Variants in CAMTA2 observed in about 807,000 individuals in gnomAD.
CAMTA2 encodes calmodulin binding transcription activator 2.
In CAMTA2, 56 loss-of-function variants were observed where a neutral mutation model predicts 135.7. The observed-to-expected ratio is 0.41, with a 90% CI of 0.33 to 0.52. The LOEUF is 0.52. CAMTA2 is among the 20% of genes least tolerant of loss of function. The pLI, the probability that CAMTA2 is intolerant of heterozygous loss-of-function variation, is 0.16. For missense variants in CAMTA2, 1,358 were observed against 1,553.4 expected, an observed-to-expected ratio of 0.87 and a Z score of 2.11; for synonymous variants, 591 against 604.6, an observed-to-expected ratio of 0.98 and a Z score of 0.33.
chr17:4,986,310 A>C (rs757556959), intron 1 of CAMTA2, 24 bp from the exon 2 acceptor site: 3 of 929,594 alleles, frequency 3.2e-6, no homozygotes, highest in Non-Finnish European at 5.1e-6. Flanking sequence ...GAACAAGGTC[A>C]TGGCAGAAGC....
intron 3 of CAMTA2, 183 bp from the exon 4 acceptor site, chr17:4,983,226 A>G: frequency 5.1e-6 from 3 of 588,222 alleles, no homozygotes; most frequent in Non-Finnish European, 9.3e-6. Context: ...GTCCTAAGAC[A>G]AAAGTCTAAC....
At chr17:4,977,516 G>A (rs1484236670) in intron 10 of CAMTA2, among the ~76,000 whole-genome samples, 2 of 152,244 alleles carry the variant, frequency 1.3e-5, no homozygotes, top group African/African-American at 4.8e-5. Context: ...CTTGATCCCC[G>A]GATCAGAGTC....
At chr17:4,981,179 G>A (rs569886136) in intron 8 of CAMTA2, 46 bp downstream of exon 8, 1 of 1,603,512 alleles carries the variant, frequency 6.2e-7, no homozygotes, top group Admixed American at 1.7e-5. Flanking sequence ...CGTAAGAGCA[G>A]TGTGGCTAGG....
In CAMTA2 at chr17:4,979,677, G is replaced by A; in HGVS notation, c.1638+7C>T. Reference sequence around the variant, plus strand: ...GGGAGGAGGGAGGAGGTAAGCCTGAGTCTCACCTCTGGGTAGGACCACTCT... The same window carrying A: ...GGGAGGAGGGAGGAGGTAAGCCTGAATCTCACCTCTGGGTAGGACCACTCT... On this transcript the variant is annotated splice_region_variant and intron_variant, in intron 9 of 22. Transcript: ENST00000348066. 9.4e-6 allele frequency: 15 copies of A among 1,597,974 alleles called. No homozygotes were observed. Among genetic ancestry groups the A allele is most frequent in the Non-Finnish European group, 1.3e-5 (15 of 1,167,138 alleles).
chr17:4,975,498 A>G (rs1197476842), intron 11 of CAMTA2, among the ~76,000 whole-genome samples: 2 of 152,238 alleles, frequency 1.3e-5, no homozygotes, highest in Non-Finnish European at 2.9e-5. Flanking sequence ...GGTAAAACGT[A>G]GATTAGACAG....
chr17:4,976,195 A>G (rs936033185), intron 11 of CAMTA2, among the ~76,000 whole-genome samples: 1 of 151,886 alleles, frequency 6.6e-6, no homozygotes, highest in Non-Finnish European at 1.5e-5. Context: ...TAGTGGAGAC[A>G]GGGTTTCACC....
chr17:4,975,346 GA>G (rs1431874414), intron 11 of CAMTA2, among the ~76,000 whole-genome samples: 1 of 152,036 alleles, frequency 6.6e-6, no homozygotes, highest in African/African-American at 2.4e-5. Flanking sequence ...TAAAGTGAAG[GA>G]GAGGAGAGAA....
intron 16 of CAMTA2, among the ~76,000 whole-genome samples, chr17:4,971,711 G>GCC (rs1972298692): frequency 9.7e-6 from 1 of 103,138 alleles, no homozygotes; most frequent in Non-Finnish European, 2.1e-5. Flanking sequence ...TTTTTTTTGA[G>GCC]ACAGTCTCAG....
intron 5 of CAMTA2, 111 bp from the exon 6 acceptor site, chr17:4,982,271 T>G: frequency 3.7e-6 from 3 of 801,558 alleles, no homozygotes; most frequent in East Asian, 2.5e-5. Context: ...TCTTCAACCC[T>G]TCCCCCACCC....
chr17:4,980,592 T>C lies in CAMTA2; in HGVS notation c.730A>G (p.Ser244Gly), dbSNP rs1597764688. ...GSGSLTHKCS[S>G]TKHRIISPKV... ...GGAGAGATGATGCGGTGTTTCGTGC[T>C]GCTGCATTTGTGGGTAAGGCTCCCA... Residue 244 changes from serine (S) to glycine (G), a missense_variant, in exon 9 of 23, where the codon AGC becomes GGC. Ser to Gly is a moderately conservative substitution (Grantham distance 56, BLOSUM62 0). Coordinates refer to ENST00000348066, the MANE Select transcript of CAMTA2 (RefSeq NM_015099.4). This position sits in a 1 kb window ranked among gnomAD's most constrained non-coding sequence, Gnocchi z 5.3. The C allele has an allele frequency of 6.2e-7, 1 of 1,614,044 alleles. No homozygotes were observed. The highest frequency in any genetic ancestry group is 2.2e-5 in the East Asian group (1 of 44,876).
At chr17:4,985,004 G>A (rs1325960301) in intron 3 of CAMTA2, among the ~76,000 whole-genome samples, 3 of 133,958 alleles carry the variant, frequency 2.2e-5, no homozygotes, top group African/African-American at 5.5e-5. Context: ...GCGACAGAGC[G>A]AGACTCCATC....
chr17:4,969,132 G>A lies in CAMTA2; in HGVS notation c.3470+18C>T. ...TGGATGCAGTGGGTGGGCACAGAGG[G>A]CTGGGGCTGGGCCCTACTTGTTGCG... On this transcript the variant is annotated intron_variant, in intron 21 of 22. Transcript: ENST00000348066. This position sits in a 1 kb window ranked among gnomAD's most constrained non-coding sequence, Gnocchi z 5.6. 6.3e-7 allele frequency: 1 copy of A among 1,599,734 alleles called. No individual in the cohort carries two copies. Among genetic ancestry groups the A allele is most frequent in the Non-Finnish European group, 8.5e-7 (1 of 1,174,402 alleles).
intron 17 of CAMTA2, 58 bp from the exon 18 acceptor site, chr17:4,970,143 C>CG (rs767356395): frequency 6.5e-7 from 1 of 1,537,746 alleles, no homozygotes; most frequent in Non-Finnish European, 8.9e-7. Context: ...CCTCTGCCAC[C>CG]TATGGATGGC....
At chr17:4,982,628 T>C in intron 5 of CAMTA2, 129 bp downstream of exon 5, 1 of 1,004,502 alleles carries the variant, frequency 1.0e-6, no homozygotes, top group East Asian at 2.6e-5. Flanking sequence ...CCAAAGTGAG[T>C]GAGAAGGGAA....
In CAMTA2 at chr17:4,968,543, G is replaced by A. The variant is rs1972047763; in HGVS notation, c.*213C>T. On this transcript the variant is annotated 3_prime_UTR_variant, in exon 23 of 23. Transcript: ENST00000348066. ...CAGGTATGTGGGGCGCGGGTTTTCT[G>A]GAGCCAGGACCAAAAGAGACGGGGC... 3.3e-6 allele frequency: 2 copies of A among 605,170 alleles called. No homozygotes were observed. The highest frequency in any genetic ancestry group is 5.6e-5 in the East Asian group (2 of 36,012). The allele number at this position is 605,170 out of a possible 1,614,324, so 37.5% of individuals were successfully genotyped here. A position where few individuals can be genotyped will look rare whatever the true frequency, so the allele number is the denominator to read the frequency against.
At chr17:4,987,325 C>T (rs1973416673) in intron 1 of CAMTA2, 1 of 1,344,436 alleles carries the variant, frequency 7.4e-7, no homozygotes, top group Non-Finnish European at 9.5e-7. Context: ...AAGCCGGGAG[C>T]AGAGTCCGCG....
intron 3 of CAMTA2, chr17:4,983,343 C>T (rs1254285763): frequency 1.0e-5 from 3 of 296,316 alleles, no homozygotes; most frequent in East Asian, 8.3e-5. Flanking sequence ...AGTGCAATGG[C>T]GCGATCTCAG....
At chr17:4,984,214 T>C (rs1199968056) in intron 3 of CAMTA2, among the ~76,000 whole-genome samples, 2 of 152,192 alleles carry the variant, frequency 1.3e-5, no homozygotes, top group African/African-American at 4.8e-5. Flanking sequence ...CCTCCCAAAG[T>C]GCTGGGATTA....
intron 6 of CAMTA2, 97 bp from the exon 7 acceptor site, chr17:4,981,928 C>T (rs1265887271): frequency 1.0e-5 from 14 of 1,379,008 alleles, no homozygotes; most frequent in South Asian, 1.3e-5. Flanking sequence ...CTCCTAACCT[C>T]GCCCCCAATT....
Sources: gnomAD v4.1 joint callset for allele counts (sites outside exome capture counted in the v4.1 genomes callset) on GRCh38, gnomAD v4.1.1 for gene constraint, Gnocchi (gnomAD v3.1) non-coding constraint, MANE v1.5 for transcripts, NCBI Gene and HGNC (gene_info 2026-07-23, HGNC 2026-07-21) for gene names.